Variants in MAP7 observed in about 807,000 individuals in gnomAD.
The protein encoded by MAP7 is ensconsin.
MAP7 carries 52 observed loss-of-function variants against 94.8 expected under a neutral mutation model. That is an observed-to-expected ratio of 0.55 (90% CI 0.44 to 0.69). The LOEUF (loss-of-function observed/expected upper bound fraction) is 0.69. MAP7 is among the 30% of genes least tolerant of loss of function. MAP7 has a pLI of 0.00. For synonymous variants in MAP7, 350 were observed against 357.0 expected (o/e 0.98, Z 0.22); for missense variants, 940 against 964.6 (o/e 0.97, Z 0.34).
chr6:136,485,555 A>ATTTTTTTTTTTT (rs747333121), intron 1 of MAP7, among the ~76,000 whole-genome samples: 2 of 98,136 alleles, frequency 2.0e-5, no homozygotes, highest in African/African-American at 4.5e-5. Flanking sequence ...TCCACTTCAG[A>ATTTTTTTTTTTT]TTTTTTTTTT....
At chr6:136,532,702 A>G (rs994182122) in intron 1 of MAP7, among the ~76,000 whole-genome samples, 6 of 152,162 alleles carry the variant, frequency 3.9e-5, no homozygotes, top group African/African-American at 1.4e-4. Context: ...GTCGAGTTAT[A>G]TAACCAAGAG....
intron 1 of MAP7, among the ~76,000 whole-genome samples, chr6:136,511,088 T>C (rs566221659): frequency 1.1e-3 from 169 of 152,204 alleles, no homozygotes; most frequent in Non-Finnish European, 2.1e-3. Flanking sequence ...CTGAAACTTA[T>C]GGCAGTGGAG....
At chr6:136,349,281 T>G (rs1582629260) in intron 16 of MAP7, among the ~76,000 whole-genome samples, 1 of 152,202 alleles carries the variant, frequency 6.6e-6, no homozygotes, top group Admixed American at 6.5e-5. Context: ...TAAAGATATA[T>G]TTCAAGTATT....
At chr6:136,442,002 G>A (rs1225575200) in intron 1 of MAP7, among the ~76,000 whole-genome samples, 1 of 152,068 alleles carries the variant, frequency 6.6e-6, no homozygotes, top group East Asian at 1.9e-4. Context: ...GACACAGCAA[G>A]ACCCTGTCTC....
chr6:136,444,295 G>T (rs1024478202), intron 1 of MAP7, among the ~76,000 whole-genome samples: 4 of 152,154 alleles, frequency 2.6e-5, no homozygotes, highest in African/African-American at 9.7e-5. Flanking sequence ...GGTTGGGTCT[G>T]GGAATTTGCA....
At chr6:136,402,905 CAAAAAAAAAAAAAAAAAAAA>C (rs57114676) in intron 3 of MAP7, among the ~76,000 whole-genome samples, 5 of 67,396 alleles carry the variant, frequency 7.4e-5, no homozygotes, top group East Asian at 5.6e-4. Flanking sequence ...GACTCTGTCT[CAAAAAAAAAAAAAAAAAAAA>C]AAAAAAAAAA....
chr6:136,399,933 A>G (rs1783584375), intron 3 of MAP7, among the ~76,000 whole-genome samples: 1 of 152,202 alleles, frequency 6.6e-6, no homozygotes, highest in Non-Finnish European at 1.5e-5. Flanking sequence ...GGAAATACTA[A>G]TTAGTTTCAT....
In MAP7 at chr6:136,383,744, C is replaced by T. The variant is rs759368260; in HGVS notation, c.564G>A (p.Ser188=). The change falls in exon 6 of 18, where the codon TCG becomes TCA. Residue 188 remains serine, a synonymous_variant. Coordinates refer to ENST00000354570, the MANE Select transcript of MAP7 (RefSeq NM_003980.6). ...TGCTAATGACGGGATCAACATATTTCGAAAGATTCATGGTGGAAACTGACC... is the reference window on the plus strand; with the variant it reads ...TGCTAATGACGGGATCAACATATTTTGAAAGATTCATGGTGGAAACTGACC... ...DRRSVSTMNL[S]KYVDPVISKR... 1.1e-5 allele frequency: 17 copies of T among 1,610,638 alleles called. No individual in the cohort carries two copies. The highest frequency in any genetic ancestry group is 2.7e-5 in the African/African-American group (2 of 74,690).
chr6:136,544,922 C>T (rs891917755), intron 1 of MAP7, among the ~76,000 whole-genome samples: 37 of 152,112 alleles, frequency 2.4e-4, no homozygotes, highest in African/African-American at 6.3e-4. Flanking sequence ...TAGCAAGACC[C>T]GCCCCCCATC....
At chr6:136,366,574 C>A in intron 8 of MAP7, 135 bp from the exon 9 acceptor site, 1 of 637,706 alleles carries the variant, frequency 1.6e-6, no homozygotes, top group South Asian at 1.9e-5. Context: ...ATACCCATTC[C>A]ATCTCAACAA....
At chr6:136,548,873 G>A (rs1027509326) in intron 1 of MAP7, among the ~76,000 whole-genome samples, 1 of 152,176 alleles carries the variant, frequency 6.6e-6, no homozygotes, top group Admixed American at 6.5e-5. Flanking sequence ...CTCCTCTCCC[G>A]GGGCCCTCAC....
chr6:136,519,935 A>T (rs1416697918), intron 1 of MAP7, among the ~76,000 whole-genome samples: 1 of 152,014 alleles, frequency 6.6e-6, no homozygotes, highest in African/African-American at 2.4e-5. Flanking sequence ...GCAGTGGCTC[A>T]CTCCTGCAAT....
intron 1 of MAP7, among the ~76,000 whole-genome samples, chr6:136,452,656 G>A (rs1218874705): frequency 6.6e-6 from 1 of 151,924 alleles, no homozygotes; most frequent in African/African-American, 2.4e-5. Context: ...AGGTTCAAGT[G>A]ACTGTCGTGC....
intron 1 of MAP7, among the ~76,000 whole-genome samples, chr6:136,423,988 G>A (rs1792332547): frequency 6.6e-6 from 1 of 151,854 alleles, no homozygotes; most frequent in Admixed American, 6.6e-5. Context: ...AATAGAGACG[G>A]GGTTTCTCCA....
Position 136,372,718 on chromosome 6 carries a change from G to A in MAP7, c.752-93C>T. 8 of 1,553,980 alleles carry A rather than the reference G, an allele frequency of 5.1e-6. No homozygotes were observed. In the South Asian group the frequency reaches 9.0e-5, roughly 17 times the overall value. On this transcript the variant is annotated intron_variant, in intron 7 of 17. Coordinates refer to ENST00000354570, the MANE Select transcript of MAP7 (RefSeq NM_003980.6). ...AGCAGTTGAAGAAAGCCAAAAGCAG[G>A]TTCAGGAAAAGGAGCAAAGCAGAGA...
chr6:136,434,165 G>A (rs1231579929), intron 1 of MAP7, among the ~76,000 whole-genome samples: 1 of 152,020 alleles, frequency 6.6e-6, no homozygotes, highest in Non-Finnish European at 1.5e-5. Flanking sequence ...AGATTAGCCG[G>A]GCGTGGTGGT....
At chr6:136,522,397 T>A (rs1011020099) in intron 1 of MAP7, among the ~76,000 whole-genome samples, 4 of 152,088 alleles carry the variant, frequency 2.6e-5, no homozygotes, top group Admixed American at 2.6e-4. Context: ...CCCCACCAGA[T>A]AACTATGAAG....
At chr6:136,456,689 A>AAGAAGAAGAAAGAAGAGG (rs1802969928) in intron 1 of MAP7, among the ~76,000 whole-genome samples, 1 of 148,058 alleles carries the variant, frequency 6.8e-6, no homozygotes, top group African/African-American at 2.5e-5. Flanking sequence ...AGAAAGAAGA[A>AAGAAGAAGAAAGAAGAGG]AGAAGAAAGA....
chr6:136,361,073 GCTC>G lies in MAP7; in HGVS notation c.1630_1632del (p.Glu544del). 1 of 1,601,864 alleles carries G rather than the reference GCTC, an allele frequency of 6.2e-7. No individual in the cohort carries two copies. Among genetic ancestry groups the G allele is most frequent in the South Asian group, 1.1e-5 (1 of 90,740 alleles). On this transcript the variant is annotated inframe_deletion, in exon 12 of 18. Transcript: ENST00000354570. ...CGCTCCTCCGCCTGCCGCTGCAGCT[GCTC>G]CTCCTTCTCCCGGGCCTGCTCGGCT... is the stretch of plus-strand genomic sequence containing the variant.
Sources: allele counts gnomAD v4.1 joint callset (sites outside exome capture counted in the v4.1 genomes callset), GRCh38; gene constraint gnomAD v4.1.1; transcripts MANE v1.5; gene names NCBI Gene and HGNC (gene_info 2026-07-23, HGNC 2026-07-21).